KIF26B: variants seen among roughly 807,000 people sequenced by gnomAD.
KIF26B encodes the protein kinesin-like protein KIF26B.
In KIF26B, 63 loss-of-function variants were observed where a neutral mutation model predicts 151.2. The observed-to-expected ratio is 0.42, with a 90% CI of 0.34 to 0.51. The LOEUF is 0.51. Ranked by LOEUF, KIF26B falls within the 20% of genes least tolerant of loss-of-function variation. The pLI, the probability that KIF26B is intolerant of heterozygous loss-of-function variation, is 0.07. For missense variants in KIF26B, 2,813 were observed against 2,913.6 expected, an observed-to-expected ratio of 0.97 and a Z score of 0.79; for synonymous variants, 1,357 against 1,262.1, an observed-to-expected ratio of 1.08 and a Z score of -1.59.
At chr1:245,161,836 G>A (rs1403841237) in intron 2 of KIF26B, among the ~76,000 whole-genome samples, 1 of 152,114 alleles carries the variant, frequency 6.6e-6, no homozygotes, top group African/African-American at 2.4e-5. Context: ...TGAGTGAGAG[G>A]CACCGGCTCG....
intron 4 of KIF26B, among the ~76,000 whole-genome samples, chr1:245,435,130 CCCATCCATCCAT>C (rs34535359): frequency 1.7e-4 from 25 of 145,224 alleles, no homozygotes; most frequent in East Asian, 1.0e-3. Context: ...TCTCCATCTA[CCCATCCATCCAT>C]CCATCCATCC....
At chr1:245,340,199 C>A (rs1039910636) in intron 2 of KIF26B, among the ~76,000 whole-genome samples, 1 of 152,188 alleles carries the variant, frequency 6.6e-6, no homozygotes, top group African/African-American at 2.4e-5. Context: ...TCCACAAATG[C>A]TCAAGTCCCT....
At chr1:245,300,717 C>T (rs533494096) in intron 2 of KIF26B, among the ~76,000 whole-genome samples, 6 of 148,104 alleles carry the variant, frequency 4.1e-5, no homozygotes, top group East Asian at 2.0e-4. Flanking sequence ...TTAGTAGAGA[C>T]GGGGTTTCGC....
At chr1:245,159,125 C>T (rs145117504) in intron 2 of KIF26B, among the ~76,000 whole-genome samples, 123 of 152,242 alleles carry the variant, frequency 8.1e-4, no homozygotes, top group African/African-American at 2.8e-3. Flanking sequence ...ACATGCAGTT[C>T]GCTCAGTTCG....
At chr1:245,273,434 A>AAAT (rs1670886891) in intron 2 of KIF26B, among the ~76,000 whole-genome samples, 1 of 151,728 alleles carries the variant, frequency 6.6e-6, no homozygotes, top group South Asian at 2.1e-4. Flanking sequence ...AAAAAAAAAA[A>AAAT]AAAAAAACCC....
At chr1:245,662,334 T>TAC (rs1221461682) in intron 10 of KIF26B, among the ~76,000 whole-genome samples, 62 of 144,166 alleles carry the variant, frequency 4.3e-4, no homozygotes, top group African/African-American at 1.5e-3. Flanking sequence ...TAATGATATA[T>TAC]ACACACACAC....
At chr1:245,644,135 C>CT (rs1161344747) in intron 9 of KIF26B, among the ~76,000 whole-genome samples, 1 of 152,130 alleles carries the variant, frequency 6.6e-6, no homozygotes. Context: ...ATAGCAGGCA[C>CT]TTGAAGTTGT....
rs559957397 is a variant in KIF26B at position 245,451,211 on chromosome 1, A to G, written c.1166+31466A>G. On this transcript the variant is annotated intron_variant, in intron 4 of 14. Transcript: ENST00000407071. ...AATGCTTTTTAAAATTTTTATCAAT[A>G]TAAGTATTTAGGCCATAAATGTCCC... Among the ~76,000 whole-genome samples the G allele has an allele frequency of 1.4e-4, 21 of 152,228 alleles. 2 individuals are homozygous for G. The South Asian group carries it at 4.3e-3, about 32-fold the overall frequency.
chr1:245,312,690 G>T (rs902809651), intron 2 of KIF26B, among the ~76,000 whole-genome samples: 1 of 152,132 alleles, frequency 6.6e-6, no homozygotes, highest in Non-Finnish European at 1.5e-5. Flanking sequence ...GAGAGGTTAC[G>T]TGACATGCCC....
intron 4 of KIF26B, among the ~76,000 whole-genome samples, chr1:245,429,285 G>A (rs919911826): frequency 6.6e-6 from 1 of 152,128 alleles, no homozygotes; most frequent in East Asian, 1.9e-4. Context: ...AATTCTCAAC[G>A]TTCCCTTTTG....
rs567442072 is a variant in KIF26B at position 245,227,359 on chromosome 1, G to A, written c.465+70676G>A. Among the ~76,000 whole-genome samples the A allele has an allele frequency of 6.6e-6, 1 of 152,334 alleles. No homozygotes were observed. Among genetic ancestry groups the A allele is most frequent in the South Asian group, 2.1e-4 (1 of 4,826 alleles). On this transcript the variant is annotated intron_variant, in intron 2 of 14. Coordinates refer to ENST00000407071, the MANE Select transcript of KIF26B (RefSeq NM_018012.4). This position sits in a 1 kb window ranked among gnomAD's most constrained non-coding sequence, Gnocchi z 4.1. ...AAACTTCCCATGTGATGTAGCACAGGTTGATGGGGTAAGCCAGTGTAACAT... is the reference window on the plus strand; with the variant it reads ...AAACTTCCCATGTGATGTAGCACAGATTGATGGGGTAAGCCAGTGTAACAT...
chr1:245,264,593 CA>C (rs965557442), intron 2 of KIF26B, among the ~76,000 whole-genome samples: 2 of 149,936 alleles, frequency 1.3e-5, no homozygotes, highest in South Asian at 2.1e-4. Flanking sequence ...AAAAACAAAA[CA>C]AAAAAAAACA....
chr1:245,278,242 G>A (rs752297028), intron 2 of KIF26B, among the ~76,000 whole-genome samples: 2 of 152,118 alleles, frequency 1.3e-5, no homozygotes, highest in Non-Finnish European at 2.9e-5. Flanking sequence ...TTTCCCATGT[G>A]TCATCAGCGT....
At chr1:245,403,664 T>G (rs914718773) in intron 3 of KIF26B, among the ~76,000 whole-genome samples, 1 of 152,134 alleles carries the variant, frequency 6.6e-6, no homozygotes, top group East Asian at 1.9e-4. Context: ...TCTCAGGCTC[T>G]GGGGGAAAAA....
chr1:245,630,691 G>A (rs6669162), intron 9 of KIF26B, among the ~76,000 whole-genome samples: 1 of 152,044 alleles, frequency 6.6e-6, no homozygotes, highest in South Asian at 2.1e-4. Context: ...ATAGTACATG[G>A]ATAACTATAT....
chr1:245,395,796 A>G (rs1225255468), intron 3 of KIF26B, among the ~76,000 whole-genome samples: 1 of 152,166 alleles, frequency 6.6e-6, no homozygotes, highest in Admixed American at 6.5e-5. Flanking sequence ...AGCTCCAGGG[A>G]GTCCAGGTGA....
chr1:245,547,979 T>C (rs1244305854), intron 5 of KIF26B, among the ~76,000 whole-genome samples: 4 of 152,164 alleles, frequency 2.6e-5, no homozygotes, highest in African/African-American at 9.7e-5. Flanking sequence ...GTGGAGATCC[T>C]GCATTTCCTA....
At chr1:245,476,517 T>TATTC (rs1660042763) in intron 4 of KIF26B, among the ~76,000 whole-genome samples, 1 of 129,058 alleles carries the variant, frequency 7.7e-6, no homozygotes, top group Non-Finnish European at 1.7e-5. Context: ...TTTATTTATT[T>TATTC]ATTTATTTAT....
chr1:245,486,136 G>GCAAAT (rs1660275208), intron 4 of KIF26B, among the ~76,000 whole-genome samples: 2 of 152,210 alleles, frequency 1.3e-5, no homozygotes, highest in Non-Finnish European at 2.9e-5. Flanking sequence ...GCAAAGCAAA[G>GCAAAT]CAATGTTGGT....
Sources: gnomAD v4.1 joint callset for allele counts (sites outside exome capture counted in the v4.1 genomes callset) on GRCh38, gnomAD v4.1.1 for gene constraint, Gnocchi (gnomAD v3.1) non-coding constraint, MANE v1.5 for transcripts, NCBI Gene and HGNC (gene_info 2026-07-23, HGNC 2026-07-21) for gene names.